Variants in GLT1D1 observed in about 807,000 individuals in gnomAD.
GLT1D1 encodes the protein glycosyltransferase 1 domain-containing protein 1.
In GLT1D1, 21 loss-of-function variants were observed where a neutral mutation model predicts 28.7. The ratio of observed to expected loss-of-function variants is 0.73; its 90% CI spans 0.52 to 1.05. GLT1D1 has a LOEUF of 1.05. Among genes scored for constraint, GLT1D1 ranks in the 50% least tolerant of loss-of-function variants. GLT1D1 has a pLI of 0.00. For synonymous variants in GLT1D1, 147 were observed against 124.8 expected (o/e 1.18, Z -1.19); for missense variants, 343 against 330.6 (o/e 1.04, Z -0.29).
At chr12:128,857,009 C>G (rs1010244913) in intron 1 of GLT1D1, among the ~76,000 whole-genome samples, 1 of 152,110 alleles carries the variant, frequency 6.6e-6, no homozygotes, top group African/African-American at 2.4e-5. Context: ...GACCGAAGAA[C>G]CTGAACGGGC....
chr12:128,929,517 C>T (rs1305859559), intron 4 of GLT1D1, among the ~76,000 whole-genome samples: 1 of 152,204 alleles, frequency 6.6e-6, no homozygotes, highest in Non-Finnish European at 1.5e-5. Flanking sequence ...TGCCAGGCAC[C>T]TTGTCTGTTT....
At chr12:128,980,592 A>G (rs1435799656) in intron 7 of GLT1D1, among the ~76,000 whole-genome samples, 1 of 152,116 alleles carries the variant, frequency 6.6e-6, no homozygotes, top group Non-Finnish European at 1.5e-5. Flanking sequence ...CTGGAGCTGG[A>G]TGTTCCGAGA....
intron 4 of GLT1D1, chr12:128,944,806 G>A (rs200581711): frequency 1.6e-4 from 35 of 224,154 alleles, no homozygotes; most frequent in Non-Finnish European, 2.2e-4. Context: ...ATATATATAT[G>A]TATATATATA....
chr12:128,867,937 TA>T (rs1269455147), intron 1 of GLT1D1, among the ~76,000 whole-genome samples: 8 of 152,176 alleles, frequency 5.3e-5, no homozygotes, highest in Non-Finnish European at 1.2e-4. Context: ...GGATTGTGTA[TA>T]AACTAACAAT....
At chr12:128,905,683 A>G (rs1282017530) in intron 4 of GLT1D1, among the ~76,000 whole-genome samples, 1 of 152,140 alleles carries the variant, frequency 6.6e-6, no homozygotes, top group Non-Finnish European at 1.5e-5. Context: ...CATTGTACCT[A>G]CTTTGTAAAA....
chr12:128,899,554 T>G (rs1205928412), intron 4 of GLT1D1, among the ~76,000 whole-genome samples: 4 of 149,636 alleles, frequency 2.7e-5, no homozygotes, highest in Non-Finnish European at 3.0e-5. Flanking sequence ...CTGTTTTTTT[T>G]TTTTTTTTTT....
chr12:128,927,440 G>A (rs771561919), intron 4 of GLT1D1, among the ~76,000 whole-genome samples: 23 of 151,830 alleles, frequency 1.5e-4, no homozygotes, highest in African/African-American at 4.1e-4. Context: ...GGGTTTCACC[G>A]TGTTAGCCAG....
At chr12:128,922,291 T>C (rs1368212432) in intron 4 of GLT1D1, among the ~76,000 whole-genome samples, 3 of 152,144 alleles carry the variant, frequency 2.0e-5, no homozygotes, top group Non-Finnish European at 4.4e-5. Flanking sequence ...TATATTTCCT[T>C]TGTAATTAGT....
At chr12:128,887,492 A>AGT (rs978621404) in intron 2 of GLT1D1, among the ~76,000 whole-genome samples, 11 of 90,536 alleles carry the variant, frequency 1.2e-4, no homozygotes, top group African/African-American at 3.5e-4. Context: ...TTTCTATGTG[A>AGT]GTACACACAC....
chr12:128,859,679 G>A (rs1956310003), intron 1 of GLT1D1, among the ~76,000 whole-genome samples: 1 of 152,208 alleles, frequency 6.6e-6, no homozygotes, highest in South Asian at 2.1e-4. Context: ...GCCAAAAACA[G>A]GATTGCACCA....
intron 2 of GLT1D1, among the ~76,000 whole-genome samples, chr12:128,886,624 C>T (rs998077110): frequency 6.6e-6 from 1 of 151,836 alleles, no homozygotes; most frequent in Non-Finnish European, 1.5e-5. Flanking sequence ...CCAGAGCCAT[C>T]AGGCTGGTGA....
intron 1 of GLT1D1, among the ~76,000 whole-genome samples, chr12:128,862,049 C>T (rs573255906): frequency 7.9e-5 from 12 of 152,158 alleles, no homozygotes; most frequent in Non-Finnish European, 1.6e-4. Context: ...GCCATTGAGG[C>T]CAGCCGCGGT....
intron 4 of GLT1D1, among the ~76,000 whole-genome samples, chr12:128,925,431 C>T (rs758003568): frequency 6.6e-6 from 1 of 152,208 alleles, no homozygotes; most frequent in Non-Finnish European, 1.5e-5. Flanking sequence ...TGAGAACATT[C>T]GGTTTTTAGT....
At chr12:128,874,110 CTCTCTCTCTCTCTCTCTT>C (rs1278834444) in intron 1 of GLT1D1, among the ~76,000 whole-genome samples, 15 of 54,714 alleles carry the variant, frequency 2.7e-4, no homozygotes, top group East Asian at 1.7e-3. Flanking sequence ...CTCTCTCTCT[CTCTCTCTCTCTCTCTCTT>C]TCTTTCTTTC....
intron 4 of GLT1D1, among the ~76,000 whole-genome samples, chr12:128,939,890 T>G (rs1874999852): frequency 8.5e-6 from 1 of 117,296 alleles, no homozygotes; most frequent in Non-Finnish European, 1.7e-5. Flanking sequence ...CCTCCAACAA[T>G]GGGGATTACA....
chr12:128,883,061 G>T (rs1378636632), intron 2 of GLT1D1, among the ~76,000 whole-genome samples: 3 of 151,460 alleles, frequency 2.0e-5, no homozygotes, highest in Non-Finnish European at 4.4e-5. Flanking sequence ...TGAGTAGCTG[G>T]GATTACGAGC....
chr12:128,954,038 G>A (rs1025994768), intron 6 of GLT1D1, among the ~76,000 whole-genome samples: 12 of 152,106 alleles, frequency 7.9e-5, no homozygotes, highest in African/African-American at 1.9e-4. Context: ...GAGCCACTGC[G>A]CCCAGTCTAA....
intron 4 of GLT1D1, among the ~76,000 whole-genome samples, chr12:128,922,922 CAAAA>C (rs149775593): frequency 6.7e-4 from 65 of 97,594 alleles, no homozygotes; most frequent in East Asian, 1.5e-3. Context: ...GACTCCATCT[CAAAA>C]AAAAAAAAAA....
chr12:128,981,613 A>G (rs1003719506), intron 7 of GLT1D1, among the ~76,000 whole-genome samples: 8 of 152,272 alleles, frequency 5.3e-5, no homozygotes, highest in African/African-American at 1.9e-4. Context: ...CATTTAATTA[A>G]CAATAATTTT....
Sources: gnomAD v4.1 joint callset for allele counts (sites outside exome capture counted in the v4.1 genomes callset) on GRCh38, gnomAD v4.1.1 for gene constraint, MANE v1.5 for transcripts, NCBI Gene and HGNC (gene_info 2026-07-23, HGNC 2026-07-21) for gene names.